Variants in ADD1 observed in about 807,000 individuals in gnomAD.
ADD1 encodes the protein alpha-adducin.
ADD1 carries 24 observed loss-of-function variants against 80.5 expected under a neutral mutation model. The ratio of observed to expected loss-of-function variants is 0.30; its 90% CI spans 0.22 to 0.42. The LOEUF (loss-of-function observed/expected upper bound fraction) is 0.42, where lower values mean the gene tolerates loss of function less well. Ranked by LOEUF, ADD1 falls within the 10% of genes least tolerant of loss-of-function variation. The pLI is 1.00. For missense variants in ADD1, 948 were observed against 1,019.0 expected, an observed-to-expected ratio of 0.93 and a Z score of 0.95; for synonymous variants, 373 against 393.8, an observed-to-expected ratio of 0.95 and a Z score of 0.63.
chr4:2,924,230 G>A (rs1349828060), intron 14 of ADD1, among the ~76,000 whole-genome samples: 1 of 152,224 alleles, frequency 6.6e-6, no homozygotes, highest in Admixed American at 6.5e-5. Flanking sequence ...TCACGGAGCA[G>A]GTGGTTTCAA....
intron 4 of ADD1, among the ~76,000 whole-genome samples, chr4:2,893,226 G>T (rs997110558): frequency 2.0e-5 from 3 of 151,536 alleles, no homozygotes; most frequent in Non-Finnish European, 2.9e-5. Flanking sequence ...ACAGTGCCCA[G>T]CCTAGGTGTT....
At chr4:2,896,549 G>A (rs186229407) in intron 6 of ADD1, among the ~76,000 whole-genome samples, 1 of 152,206 alleles carries the variant, frequency 6.6e-6, no homozygotes. Flanking sequence ...GGATTATTTG[G>A]ATGAACATTA....
intron 13 of ADD1, among the ~76,000 whole-genome samples, chr4:2,911,882 C>A (rs529179382): frequency 8.9e-4 from 136 of 152,334 alleles, no homozygotes; most frequent in Middle Eastern, 6.8e-3. Context: ...TTCCCATGTG[C>A]ACCTCACCAG....
intron 12 of ADD1, chr4:2,908,867 C>T: frequency 1.9e-6 from 1 of 520,808 alleles, no homozygotes. Context: ...CATACACCAC[C>T]AGCTTTGGGG....
chr4:2,908,843 ATG>A, intron 12 of ADD1: 1 of 551,458 alleles, frequency 1.8e-6, no homozygotes, highest in East Asian at 3.1e-5. Context: ...ATGCATGCAT[ATG>A]TGAGGGTGGC....
rs760979802 is a variant in ADD1 at position 2,928,533 on chromosome 4, G to A, written c.*10G>A. The A allele has an allele frequency of 5.9e-5, 95 of 1,611,096 alleles. 1 individual carries two copies. The highest frequency in any genetic ancestry group is 5.3e-4 in the East Asian group (24 of 44,888). On this transcript the variant is annotated 3_prime_UTR_variant, in exon 16 of 16. Transcript: ENST00000683351. ...GAAGAGTGACTCCTGAAAGCCCTGC[G>A]CTAACACTGTCCTGTCCGGAGCGAC...
At chr4:2,880,387 T>G (rs1049126576) in intron 2 of ADD1, among the ~76,000 whole-genome samples, 4 of 151,700 alleles carry the variant, frequency 2.6e-5, no homozygotes, top group Admixed American at 6.6e-5. Flanking sequence ...AAATTTGATG[T>G]GGATTAACAT....
At chr4:2,893,645 T>A (rs963641268) in intron 4 of ADD1, among the ~76,000 whole-genome samples, 1 of 151,924 alleles carries the variant, frequency 6.6e-6, no homozygotes, top group African/African-American at 2.4e-5. Flanking sequence ...AAGTTTTGGT[T>A]TTCATTATTA....
chr4:2,854,219 G>A (rs1727736033), intron 1 of ADD1, among the ~76,000 whole-genome samples: 1 of 152,134 alleles, frequency 6.6e-6, no homozygotes, highest in Non-Finnish European at 1.5e-5. Context: ...AGCTACTCAG[G>A]AGGCTGAGGC....
chr4:2,892,855 A>C (rs1734541069), intron 4 of ADD1, among the ~76,000 whole-genome samples: 1 of 151,724 alleles, frequency 6.6e-6, no homozygotes. Flanking sequence ...AAAAAACAAA[A>C]AAAAAAACAG....
intron 14 of ADD1, among the ~76,000 whole-genome samples, chr4:2,921,428 G>A (rs975399806): frequency 2.6e-5 from 4 of 152,128 alleles, no homozygotes; most frequent in East Asian, 1.9e-4. Flanking sequence ...GCACCCGGCC[G>A]AAAATTCTTT....
At chr4:2,844,840 T>G (rs1409572481) in intron 1 of ADD1, 1 of 152,146 alleles carries the variant, frequency 6.6e-6, no homozygotes, top group Non-Finnish European at 1.5e-5. Flanking sequence ...TACTGGTAAG[T>G]TAAAGAAAGA....
chr4:2,919,804 AT>A (rs550647160), intron 14 of ADD1, among the ~76,000 whole-genome samples: 2 of 149,992 alleles, frequency 1.3e-5, no homozygotes, highest in African/African-American at 2.4e-5. Context: ...GGATTCATTG[AT>A]TTTTTTTTGA....
At chr4:2,906,449 A>G (rs1003932393) in intron 10 of ADD1, among the ~76,000 whole-genome samples, 18 of 152,136 alleles carry the variant, frequency 1.2e-4, no homozygotes, top group African/African-American at 4.1e-4. Context: ...ACAGTGCTGA[A>G]TTGCCATGAG....
intron 1 of ADD1, among the ~76,000 whole-genome samples, chr4:2,856,113 G>A (rs1728023877): frequency 1.3e-5 from 2 of 150,288 alleles, no homozygotes; most frequent in South Asian, 4.2e-4. Context: ...GGCTGGTCTT[G>A]AATTCCTGGG....
At chr4:2,887,393 G>T (rs1360349154) in intron 4 of ADD1, 1 of 148,490 alleles carries the variant, frequency 6.7e-6, no homozygotes, top group African/African-American at 2.5e-5. Flanking sequence ...TAGAAGATTG[G>T]AGATGATTGT....
chr4:2,890,906 A>G (rs2108987046), intron 4 of ADD1, among the ~76,000 whole-genome samples: 1 of 152,306 alleles, frequency 6.6e-6, no homozygotes. Context: ...TCCAACCAGT[A>G]TATACACAGA....
chr4:2,876,204 T>C (rs1731267180), intron 2 of ADD1, 94 bp downstream of exon 2: 1 of 1,241,730 alleles, frequency 8.1e-7, no homozygotes, highest in Non-Finnish European at 1.1e-6. Flanking sequence ...CATAGTTCAT[T>C]GATCTTATCA....
Position 2,926,807 on chromosome 4 carries a change from C to A in ADD1, c.2047+695C>A. ...AACAGAAGCCCCCCTTTTTTGTACC[C>A]AGTCCCTTGGAGGCCTTCCTGGAAG... On this transcript the variant is annotated intron_variant, in intron 15 of 15. Coordinates refer to ENST00000683351, the MANE Select transcript of ADD1 (RefSeq NM_001354761.2). The surrounding 1 kb of genome is among the most constrained non-coding windows in gnomAD (Gnocchi z 5.0). 9.3e-7 allele frequency: 1 copy of A among 1,076,250 alleles called. No individual in the cohort carries two copies. Among genetic ancestry groups the A allele is most frequent in the South Asian group, 1.5e-5 (1 of 65,914 alleles). 66.7% of individuals were successfully genotyped at this position (1,076,250 alleles called of 1,614,324 possible).
Sources: allele counts gnomAD v4.1 joint callset (sites outside exome capture counted in the v4.1 genomes callset), GRCh38; gene constraint gnomAD v4.1.1; non-coding constraint Gnocchi (gnomAD v3.1); transcripts MANE v1.5; gene names NCBI Gene and HGNC (gene_info 2026-07-23, HGNC 2026-07-21).